GPC5: variants seen among roughly 807,000 people sequenced by gnomAD.
GPC5 encodes the protein glypican-5.
In GPC5, 47 loss-of-function variants were observed where a neutral mutation model predicts 53.9. The observed-to-expected ratio is 0.87, with a 90% CI of 0.69 to 1.11. The LOEUF (loss-of-function observed/expected upper bound fraction) is 1.11, where lower values mean the gene tolerates loss of function less well. Among genes scored for constraint, GPC5 ranks in the 50% most tolerant of loss-of-function variants. The pLI, the probability that GPC5 is intolerant of heterozygous loss-of-function variation, is 0.00. For synonymous variants in GPC5, 286 were observed against 263.3 expected (o/e 1.09, Z -0.84); for missense variants, 748 against 713.1 (o/e 1.05, Z -0.56).
chr13:92,131,435 A>G, intron 6 of GPC5, among the ~76,000 whole-genome samples: 1 of 152,160 alleles, frequency 6.6e-6, no homozygotes, highest in African/African-American at 2.4e-5. Context: ...AAAATTAGAA[A>G]CAGGTGAATC....
chr13:92,314,625 T>C (rs2043166548), intron 7 of GPC5, among the ~76,000 whole-genome samples: 1 of 152,198 alleles, frequency 6.6e-6, no homozygotes, highest in Non-Finnish European at 1.5e-5. Context: ...TGTGTTTCTA[T>C]AGGAATGTGA....
rs149915534 is a variant in GPC5, at chr13:92,373,512, G to C, written c.1561+228523G>C. ...CTAAGTTCTCACATGAGAAGCCCAGGGAGAACTCCTGGGTCTTTTGAGTCC... is the reference window on the plus strand; with the variant it reads ...CTAAGTTCTCACATGAGAAGCCCAGCGAGAACTCCTGGGTCTTTTGAGTCC... On this transcript the variant is annotated intron_variant, in intron 7 of 7. Coordinates refer to ENST00000377067, the MANE Select transcript of GPC5 (RefSeq NM_004466.6). 4.6e-3 allele frequency among the ~76,000 whole-genome samples: 695 copies of C among 152,170 alleles called. 11 individuals carry two copies. The highest frequency in any genetic ancestry group is 0.038 in the Admixed American group (580 of 15,284).
At chr13:91,815,085 G>A (rs2038379610) in intron 5 of GPC5, among the ~76,000 whole-genome samples, 1 of 152,270 alleles carries the variant, frequency 6.6e-6, no homozygotes, top group African/African-American at 2.4e-5. Context: ...AAGGAAAGAA[G>A]CTGGGTATGG....
intron 7 of GPC5, among the ~76,000 whole-genome samples, chr13:92,245,047 A>AG (rs2042640381): frequency 6.6e-6 from 1 of 151,476 alleles, no homozygotes; most frequent in African/African-American, 2.4e-5. Context: ...GAAAAAAAAA[A>AG]AAAAAAACTT....
At chr13:92,122,452 G>A (rs2041658178) in intron 6 of GPC5, among the ~76,000 whole-genome samples, 1 of 151,754 alleles carries the variant, frequency 6.6e-6, no homozygotes, top group Non-Finnish European at 1.5e-5. Context: ...GCTTGCTTCA[G>A]CCTGCTGGTG....
intron 7 of GPC5, among the ~76,000 whole-genome samples, chr13:92,558,019 A>G (rs1355844815): frequency 2.6e-5 from 4 of 152,050 alleles, no homozygotes; most frequent in African/African-American, 4.8e-5. Flanking sequence ...TTTGGAGTTC[A>G]TGAGAGCAAC....
chr13:92,624,160 C>T (rs1261065155), intron 7 of GPC5, among the ~76,000 whole-genome samples: 3 of 151,840 alleles, frequency 2.0e-5, no homozygotes, highest in African/African-American at 7.3e-5. Context: ...CTGCAACCTC[C>T]GCATGTTCAA....
chr13:92,408,589 A>T (rs950210938), intron 7 of GPC5, among the ~76,000 whole-genome samples: 6 of 151,828 alleles, frequency 4.0e-5, no homozygotes, highest in Admixed American at 3.3e-4. Flanking sequence ...TCTGGTAAAG[A>T]GTGTTTTAGC....
chr13:91,957,583 T>C (rs754760963), intron 6 of GPC5, among the ~76,000 whole-genome samples: 1 of 152,066 alleles, frequency 6.6e-6, no homozygotes, highest in East Asian at 1.9e-4. Flanking sequence ...TAGTCACTTA[T>C]AAAGGAACAA....
At chr13:92,481,593 G>A (rs1180509744) in intron 7 of GPC5, among the ~76,000 whole-genome samples, 1 of 152,106 alleles carries the variant, frequency 6.6e-6, no homozygotes, top group Admixed American at 6.6e-5. Context: ...TCCAGAATTA[G>A]GCTGCATGAC....
chr13:92,623,076 G>C (rs544555295), intron 7 of GPC5, among the ~76,000 whole-genome samples: 3 of 152,002 alleles, frequency 2.0e-5, no homozygotes, highest in African/African-American at 7.2e-5. Flanking sequence ...TGTGGTGGGA[G>C]GATGGCTTGA....
At chr13:92,178,429 T>C (rs1441186263) in intron 7 of GPC5, among the ~76,000 whole-genome samples, 1 of 150,104 alleles carries the variant, frequency 6.7e-6, no homozygotes, top group East Asian at 1.9e-4. Context: ...TATATATTTA[T>C]ATATAACATA....
At chr13:91,637,864 A>C (rs1428729440) in intron 2 of GPC5, among the ~76,000 whole-genome samples, 1 of 152,048 alleles carries the variant, frequency 6.6e-6, no homozygotes, top group Non-Finnish European at 1.5e-5. Flanking sequence ...TGAGATGAAG[A>C]CTCTACTCAT....
At chr13:91,610,936 G>C (rs1462190799) in intron 2 of GPC5, among the ~76,000 whole-genome samples, 3 of 152,128 alleles carry the variant, frequency 2.0e-5, no homozygotes, top group African/African-American at 7.2e-5. Flanking sequence ...ATTTTGTAAA[G>C]GCATGGGGGT....
At chr13:92,091,024 A>G (rs2041376382) in intron 6 of GPC5, among the ~76,000 whole-genome samples, 1 of 152,190 alleles carries the variant, frequency 6.6e-6, no homozygotes, top group South Asian at 2.1e-4. Context: ...AGCTTTCACG[A>G]GGGACTGAAT....
At chr13:92,225,174 G>A (rs1029653929) in intron 7 of GPC5, among the ~76,000 whole-genome samples, 17 of 152,130 alleles carry the variant, frequency 1.1e-4, no homozygotes, top group African/African-American at 3.9e-4. Flanking sequence ...GTTCCTGGCT[G>A]GAAATGGCTC....
intron 2 of GPC5, among the ~76,000 whole-genome samples, chr13:91,586,566 AGAG>A (rs1566530376): frequency 1.1e-4 from 6 of 54,000 alleles, no homozygotes; most frequent in African/African-American, 8.7e-4. Flanking sequence ...ATATATGTAG[AGAG>A]AGAGAGAGAG....
At chr13:92,133,299 C>G (rs966506042) in intron 6 of GPC5, among the ~76,000 whole-genome samples, 5 of 152,154 alleles carry the variant, frequency 3.3e-5, no homozygotes, top group Non-Finnish European at 1.5e-5. Context: ...ATTTGTGAAG[C>G]TATGATGCTG....
intron 7 of GPC5, among the ~76,000 whole-genome samples, chr13:92,259,975 C>A (rs2042754650): frequency 6.6e-6 from 1 of 152,160 alleles, no homozygotes; most frequent in African/African-American, 2.4e-5. Flanking sequence ...CTAGACCCAA[C>A]AAACTCTGGG....
Sources: gnomAD v4.1 joint callset for allele counts (sites outside exome capture counted in the v4.1 genomes callset) on GRCh38, gnomAD v4.1.1 for gene constraint, MANE v1.5 for transcripts, NCBI Gene and HGNC (gene_info 2026-07-23, HGNC 2026-07-21) for gene names.